Variants in RNF150 observed in about 807,000 individuals in gnomAD.
The protein encoded by RNF150 is ring finger protein 150.
In RNF150, 24 loss-of-function variants were observed where a neutral mutation model predicts 39.3. The observed-to-expected ratio is 0.61, with a 90% CI of 0.44 to 0.86. The LOEUF is 0.86. Ranked by LOEUF, RNF150 falls within the 40% of genes least tolerant of loss-of-function variation. RNF150 has a pLI of 0.00. For missense variants in RNF150, 502 were observed against 587.8 expected, an observed-to-expected ratio of 0.85 and a Z score of 1.51; for synonymous variants, 255 against 227.3, an observed-to-expected ratio of 1.12 and a Z score of -1.10.
At chr4:141,073,997 C>G (rs1737803852) in intron 1 of RNF150, among the ~76,000 whole-genome samples, 1 of 151,664 alleles carries the variant, frequency 6.6e-6, no homozygotes, top group South Asian at 2.1e-4. Context: ...TCCTGAGACT[C>G]CCCCATCCTG....
At chr4:140,986,507 C>A (rs1734021399) in intron 1 of RNF150, among the ~76,000 whole-genome samples, 1 of 152,062 alleles carries the variant, frequency 6.6e-6, no homozygotes, top group Non-Finnish European at 1.5e-5. Flanking sequence ...CAGATGCATC[C>A]ACCATCAACT....
Position 141,070,648 on chromosome 4 carries a change from G to C in RNF150, c.484+61677C>G, listed in dbSNP as rs1267990886. On this transcript the variant is annotated intron_variant, in intron 1 of 6. Coordinates refer to ENST00000515673, the MANE Select transcript of RNF150 (RefSeq NM_020724.2). ...ATGAAAAAATGCTCACCATCACTGG[G>C]CATCAGAGAAATGCAAATCAAAACC... Among the ~76,000 whole-genome samples the C allele has an allele frequency of 5.6e-3, 837 of 148,458 alleles. 5 individuals are homozygous for C. Among genetic ancestry groups the C allele is most frequent in the African/African-American group, 0.011 (459 of 40,856 alleles).
chr4:140,942,446 G>C (rs1261990883), intron 4 of RNF150, among the ~76,000 whole-genome samples: 1 of 152,150 alleles, frequency 6.6e-6, no homozygotes, highest in African/African-American at 2.4e-5. Flanking sequence ...TTTTAGGATA[G>C]GTGTTGTTAG....
chr4:140,923,358 A>G (rs1731241815), intron 5 of RNF150, among the ~76,000 whole-genome samples: 1 of 152,384 alleles, frequency 6.6e-6, no homozygotes, highest in South Asian at 2.1e-4. Context: ...CAGCCAAAAG[A>G]CACATGAAAA....
At chr4:141,203,885 TCTC>T (rs1365782891) in intron 1 of RNF150, among the ~76,000 whole-genome samples, 1 of 151,986 alleles carries the variant, frequency 6.6e-6, no homozygotes, top group Non-Finnish European at 1.5e-5. Context: ...AAAAAGTTCT[TCTC>T]TAGACCTTCC....
At chr4:140,994,328 A>G (rs1003412248) in intron 1 of RNF150, among the ~76,000 whole-genome samples, 2 of 152,250 alleles carry the variant, frequency 1.3e-5, no homozygotes, top group East Asian at 3.8e-4. Flanking sequence ...CCCAAAGGAT[A>G]TGACAGAAGG....
chr4:140,888,247 G>A (rs972239989), intron 6 of RNF150, among the ~76,000 whole-genome samples: 1 of 152,160 alleles, frequency 6.6e-6, no homozygotes, highest in Admixed American at 6.5e-5. Flanking sequence ...CTCTGAAAAG[G>A]TGACAGACTC....
In RNF150 at chr4:140,885,748, G is replaced by A. The variant is rs1478157906; in HGVS notation, c.1199-17369C>T. On this transcript the variant is annotated intron_variant, in intron 6 of 6. Coordinates refer to ENST00000515673, the MANE Select transcript of RNF150 (RefSeq NM_020724.2). ...CTCCCACATAGCTGGGATTACAGGT[G>A]CATACCATCATGCCCAGCCAATTTT... Among the ~76,000 whole-genome samples, 4 of 151,968 alleles carry A rather than the reference G, an allele frequency of 2.6e-5. No individual in the cohort carries two copies. The East Asian group carries it at 7.8e-4, about 29-fold the overall frequency.
chr4:141,130,757 GTAACATGTT>G lies in RNF150; in HGVS notation c.484+1559_484+1567del, dbSNP rs202063808. Among the ~76,000 whole-genome samples the G allele has an allele frequency of 8.1e-3, 1,235 of 152,236 alleles. 16 individuals are homozygous for G. The highest frequency in any genetic ancestry group is 0.028 in the African/African-American group (1,150 of 41,540). On this transcript the variant is annotated intron_variant, in intron 1 of 6. Coordinates refer to ENST00000515673, the MANE Select transcript of RNF150 (RefSeq NM_020724.2). ...CCTCCACTGAGGTTTTAAATATTAA[GTAACATGTT>G]TATCTAAAGATGCTTTACATGACTT...
intron 1 of RNF150, among the ~76,000 whole-genome samples, chr4:141,031,326 T>C (rs544029229): frequency 6.6e-6 from 1 of 152,174 alleles, no homozygotes; most frequent in South Asian, 2.1e-4. Context: ...TGGGGAAAAC[T>C]TCATGACACT....
chr4:141,153,707 G>T (rs1473359234), intron 1 of RNF150, among the ~76,000 whole-genome samples: 1 of 152,114 alleles, frequency 6.6e-6, no homozygotes. Context: ...GGTCCAGAAG[G>T]ATATAAAGTT....
In RNF150 at chr4:141,109,909, G is replaced by A. The variant is rs139928832; in HGVS notation, c.484+22416C>T. The stretch of plus-strand genomic sequence containing the variant: ...TTGCCAATTTAGGTCTCCAAACATA[G>A]TGCCCAAACAGAAAGCAGTAGCCTC... On this transcript the variant is annotated intron_variant, in intron 1 of 6. Coordinates refer to ENST00000515673, the MANE Select transcript of RNF150 (RefSeq NM_020724.2). Among the ~76,000 whole-genome samples, 7 of 152,264 alleles carry A rather than the reference G, an allele frequency of 4.6e-5. No homozygotes were observed. In the South Asian group the frequency reaches 1.5e-3, roughly 32 times the overall value.
intron 6 of RNF150, among the ~76,000 whole-genome samples, chr4:140,906,856 G>A (rs191701128): frequency 6.0e-4 from 91 of 152,256 alleles, no homozygotes; most frequent in African/African-American, 2.0e-3. Context: ...AGTGGGTAAC[G>A]ATCTGCAGGC....
intron 1 of RNF150, among the ~76,000 whole-genome samples, chr4:141,105,891 T>C (rs906164789): frequency 1.3e-5 from 2 of 152,154 alleles, no homozygotes; most frequent in Admixed American, 6.5e-5. Context: ...ATTTCTTAAA[T>C]ATAGCTCTGA....
At chr4:140,928,870 A>G (rs1731504015) in intron 4 of RNF150, among the ~76,000 whole-genome samples, 2 of 152,070 alleles carry the variant, frequency 1.3e-5, no homozygotes, top group Non-Finnish European at 2.9e-5. Context: ...CTATTCCTAC[A>G]TATTTCCTGC....
chr4:141,182,160 G>C (rs536016824), intron 1 of RNF150, among the ~76,000 whole-genome samples: 2 of 147,254 alleles, frequency 1.4e-5, no homozygotes, highest in East Asian at 4.0e-4. Context: ...CAATAAATTA[G>C]ATATTGATGG....
chr4:140,890,007 CAAAT>C (rs895497802), intron 6 of RNF150, among the ~76,000 whole-genome samples: 4 of 152,174 alleles, frequency 2.6e-5, no homozygotes, highest in East Asian at 1.9e-4. Context: ...AAACAAAAAA[CAAAT>C]AAAAACCCCC....
At chr4:140,911,385 T>G in intron 5 of RNF150, 31 bp from the exon 6 acceptor site, 1 of 1,579,198 alleles carries the variant, frequency 6.3e-7, no homozygotes, top group Non-Finnish European at 8.7e-7. Context: ...CTGTTCTCAG[T>G]ACATGTCATC....
At chr4:141,013,700 T>G (rs1193770504) in intron 1 of RNF150, among the ~76,000 whole-genome samples, 1 of 152,226 alleles carries the variant, frequency 6.6e-6, no homozygotes, top group Admixed American at 6.5e-5. Flanking sequence ...ATCATAATAC[T>G]GATTTTGATT....
Sources: gnomAD v4.1 joint callset for allele counts (sites outside exome capture counted in the v4.1 genomes callset) on GRCh38, gnomAD v4.1.1 for gene constraint, MANE v1.5 for transcripts, NCBI Gene and HGNC (gene_info 2026-07-23, HGNC 2026-07-21) for gene names.